The following PRKN variants were observed in gnomAD, a reference collection of about 807,000 sequenced individuals.
PRKN encodes E3 ubiquitin-protein ligase parkin.
A neutral mutation model predicts 59.5 loss-of-function variants in PRKN; 56 were observed. The observed-to-expected ratio is 0.94, with a 90% CI of 0.76 to 1.18. The LOEUF is 1.18. PRKN is among the 50% of genes most tolerant of loss of function. The pLI, the probability that PRKN is intolerant of heterozygous loss-of-function variation, is 0.00. For synonymous variants in PRKN, 250 were observed against 222.1 expected, an observed-to-expected ratio of 1.13 and a Z score of -1.12; for missense variants, 657 against 596.4, an observed-to-expected ratio of 1.10 and a Z score of -1.06.
At chr6:161,793,131 C>G (rs753075585) in intron 6 of PRKN, among the ~76,000 whole-genome samples, 22 of 152,100 alleles carry the variant, frequency 1.4e-4, no homozygotes, top group African/African-American at 5.3e-4. Context: ...GAGCCTGCTC[C>G]GAGATACTAA....
intron 1 of PRKN, among the ~76,000 whole-genome samples, chr6:162,572,494 A>G (rs1032402995): frequency 6.6e-6 from 1 of 152,162 alleles, no homozygotes; most frequent in Non-Finnish European, 1.5e-5. Flanking sequence ...TTGTCACAGC[A>G]TCCGAATTAC....
Position 162,673,620 on chromosome 6 carries a change from A to C in PRKN, c.7+54042T>G, listed in dbSNP as rs183732908. Among the ~76,000 whole-genome samples, 4 of 152,324 alleles carry C rather than the reference A, an allele frequency of 2.6e-5. No homozygotes were observed. The East Asian group carries it at 7.7e-4, about 29-fold the overall frequency. On this transcript the variant is annotated intron_variant, in intron 1 of 11. Coordinates refer to ENST00000366898, the MANE Select transcript of PRKN (RefSeq NM_004562.3). ...AGGCTGATCTCCAACTCCTGAGTTC[A>C]AGCGATCCACCCACCTCGGCCTCCT...
chr6:161,973,355 G>T lies in PRKN; in HGVS notation c.681C>A (p.His227Gln). The T allele has an allele frequency of 6.2e-7, 1 of 1,613,844 alleles. No individual in the cohort carries two copies. The highest frequency in any genetic ancestry group is 8.5e-7 in the Non-Finnish European group (1 of 1,179,758). Reference protein sequence around the residue: ...TSDKETSVALHLIATNSRNIT... With the variant: ...TSDKETSVALQLIATNSRNIT... ...TGTTCCGACTATTTGTTGCGATCAG[G>T]TGCAAAGCTACTGATGTTTCCTTGT... Residue 227 changes from histidine (H) to glutamine (Q), a missense_variant, in exon 6 of 12, where the codon CAC becomes CAA. Coordinates refer to ENST00000366898, the MANE Select transcript of PRKN (RefSeq NM_004562.3).
At chr6:161,763,439 T>C (rs1001010841) in intron 7 of PRKN, among the ~76,000 whole-genome samples, 1 of 151,308 alleles carries the variant, frequency 6.6e-6, no homozygotes. Context: ...TTAGCTTTAG[T>C]TGGTTCTGTT....
chr6:162,605,417 C>T (rs1268015697), intron 1 of PRKN, among the ~76,000 whole-genome samples: 3 of 152,088 alleles, frequency 2.0e-5, no homozygotes, highest in African/African-American at 7.2e-5. Flanking sequence ...TCAATATCAA[C>T]TAGGTAAAAT....
intron 9 of PRKN, among the ~76,000 whole-genome samples, chr6:161,481,507 G>A (rs1339529494): frequency 6.6e-6 from 1 of 152,124 alleles, no homozygotes; most frequent in Non-Finnish European, 1.5e-5. Flanking sequence ...CGGAGGCTGA[G>A]GCAGGAGGAT....
intron 9 of PRKN, among the ~76,000 whole-genome samples, chr6:161,515,591 C>T (rs1450220750): frequency 1.3e-5 from 2 of 152,172 alleles, no homozygotes; most frequent in African/African-American, 2.4e-5. Context: ...AACAGTATAT[C>T]GTTATGCTAC....
rs1164190119 is a variant in PRKN at position 161,461,191 on chromosome 6, G to T, written c.1084-74314C>A. On this transcript the variant is annotated intron_variant, in intron 9 of 11. Transcript: ENST00000366898. This position sits in a 1 kb window ranked among gnomAD's most constrained non-coding sequence, Gnocchi z 5.1. ...AGAGAAAGAGTTTTGCTAGCCAGTG[G>T]CTCAGAGGAAGCAGCGGCCTGTGCA... Among the ~76,000 whole-genome samples, 1 of 152,202 alleles carries T rather than the reference G, an allele frequency of 6.6e-6. No homozygotes were observed. Among genetic ancestry groups the T allele is most frequent in the Non-Finnish European group, 1.5e-5 (1 of 68,034 alleles).
intron 1 of PRKN, among the ~76,000 whole-genome samples, chr6:162,472,869 T>C (rs138792648): frequency 6.6e-6 from 1 of 150,592 alleles, no homozygotes; most frequent in East Asian, 2.0e-4. Context: ...CAAGGTAGAA[T>C]TCAACATACT....
chr6:162,653,268 CA>C (rs1778512833), intron 1 of PRKN, among the ~76,000 whole-genome samples: 1 of 152,040 alleles, frequency 6.6e-6, no homozygotes, highest in Non-Finnish European at 1.5e-5. Context: ...TTTGCTAAAG[CA>C]AATATGTCAA....
chr6:162,353,759 T>A (rs1174912589), intron 2 of PRKN, among the ~76,000 whole-genome samples: 1 of 152,140 alleles, frequency 6.6e-6, no homozygotes, highest in East Asian at 1.9e-4. Context: ...ATTTTGAGCA[T>A]GTATTACTTA....
rs35792526 is a variant in PRKN, at chr6:162,436,176, C to CAA, written c.171+7132_171+7133dup. Among the ~76,000 whole-genome samples, 80 of 54,684 alleles carry CAA rather than the reference C, an allele frequency of 1.5e-3. 1 individual carries two copies. Among genetic ancestry groups the CAA allele is most frequent in the Admixed American group, 2.2e-3 (7 of 3,208 alleles). The allele number at this position is 54,684 out of a possible 152,430, so 35.9% of individuals were successfully genotyped here. On this transcript the variant is annotated intron_variant, in intron 2 of 11. Coordinates refer to ENST00000366898, the MANE Select transcript of PRKN (RefSeq NM_004562.3). ...AGGCGACAGAGTAAGACTCCATCTC[C>CAA]AAAAAAAAAAAAAAAAAAAAAAAAA...
chr6:162,552,054 T>C (rs923285816), intron 1 of PRKN, among the ~76,000 whole-genome samples: 1 of 152,034 alleles, frequency 6.6e-6, no homozygotes, highest in African/African-American at 2.4e-5. Context: ...GAGATTTAGA[T>C]AGAAACTTGA....
intron 7 of PRKN, among the ~76,000 whole-genome samples, chr6:161,654,837 T>TTTCAGAAGA (rs1176534093): frequency 1.3e-5 from 2 of 152,156 alleles, no homozygotes; most frequent in Admixed American, 6.5e-5. Flanking sequence ...CCACGCCCCC[T>TTTCAGAAGA]GGGAGGGACC....
chr6:162,533,866 G>T (rs1369265133), intron 1 of PRKN, among the ~76,000 whole-genome samples: 1 of 151,462 alleles, frequency 6.6e-6, no homozygotes, highest in East Asian at 2.0e-4. Flanking sequence ...AGTTACTTGG[G>T]AGGCTGAGGC....
intron 1 of PRKN, among the ~76,000 whole-genome samples, chr6:162,531,472 G>C (rs1261647460): frequency 1.3e-5 from 2 of 152,152 alleles, no homozygotes; most frequent in Non-Finnish European, 2.9e-5. Context: ...AACTTGGTGG[G>C]TGGGGGGAAG....
intron 9 of PRKN, among the ~76,000 whole-genome samples, chr6:161,449,046 G>A (rs1789612088): frequency 6.6e-6 from 1 of 152,166 alleles, no homozygotes; most frequent in African/African-American, 2.4e-5. Context: ...AGACCATCAG[G>A]GCTCGGGTAA....
intron 7 of PRKN, among the ~76,000 whole-genome samples, chr6:161,630,219 G>T (rs1164621504): frequency 6.6e-6 from 1 of 152,076 alleles, no homozygotes; most frequent in Non-Finnish European, 1.5e-5. Flanking sequence ...CTGAAAAATT[G>T]AGCTTTGAAG....
Position 162,523,183 on chromosome 6 carries a change from C to T in PRKN, c.8-79710G>A, listed in dbSNP as rs540312347. On this transcript the variant is annotated intron_variant, in intron 1 of 11. Coordinates refer to ENST00000366898, the MANE Select transcript of PRKN (RefSeq NM_004562.3). The stretch of plus-strand genomic sequence containing the variant: ...TCAAATTAGGAATGACTCTTGATGA[C>T]GAAATTACAGATGAGGCAGTGGGAA... 3.4e-4 allele frequency among the ~76,000 whole-genome samples: 52 copies of T among 152,110 alleles called. No individual in the cohort carries two copies. In the South Asian group the frequency reaches 7.9e-3, roughly 23 times the overall value.
Sources: gnomAD v4.1 joint callset for allele counts (sites outside exome capture counted in the v4.1 genomes callset) on GRCh38, gnomAD v4.1.1 for gene constraint, Gnocchi (gnomAD v3.1) non-coding constraint, MANE v1.5 for transcripts, NCBI Gene and HGNC (gene_info 2026-07-23, HGNC 2026-07-21) for gene names.